Variants in PCDHA3 observed in about 807,000 individuals in gnomAD.
PCDHA3 encodes the protein protocadherin alpha-3.
In PCDHA3, 41 loss-of-function variants were observed where a neutral mutation model predicts 62.2. The ratio of observed to expected loss-of-function variants is 0.66; its 90% CI spans 0.51 to 0.86. PCDHA3 has a LOEUF of 0.86. PCDHA3 is among the 40% of genes least tolerant of loss of function. PCDHA3 has a pLI of 0.00. For synonymous variants in PCDHA3, 640 were observed against 555.4 expected, an observed-to-expected ratio of 1.15 and a Z score of -2.14; for missense variants, 1,304 against 1,241.2, an observed-to-expected ratio of 1.05 and a Z score of -0.76.
In PCDHA3 at chr5:140,953,296, G is replaced by A. The variant is rs118116883; in HGVS notation, c.2395-25653G>A. 7.9e-5 allele frequency among the ~76,000 whole-genome samples: 12 copies of A among 152,162 alleles called. No individual in the cohort carries two copies. The East Asian group carries it at 1.5e-3, about 20-fold the overall frequency. Reference sequence around the variant, plus strand: ...TGCTCTTTATATGTGATTCAGGGACGGCAGAGATGTGGGAAGAATTTGATC... The same window carrying A: ...TGCTCTTTATATGTGATTCAGGGACAGCAGAGATGTGGGAAGAATTTGATC... On this transcript the variant is annotated intron_variant, in intron 1 of 3. Coordinates refer to ENST00000522353, the MANE Select transcript of PCDHA3 (RefSeq NM_018906.3).
chr5:140,807,986 T>C, intron 1 of PCDHA3: 1 of 1,613,662 alleles, frequency 6.2e-7, no homozygotes, highest in Non-Finnish European at 8.5e-7. Flanking sequence ...ACTTAACGCC[T>C]CAGATTTAGA....
intron 3 of PCDHA3, 51 bp downstream of exon 3, chr5:140,982,614 G>T (rs1283279622): frequency 6.3e-7 from 1 of 1,596,658 alleles, no homozygotes; most frequent in Non-Finnish European, 8.5e-7. Flanking sequence ...AAAGTGATCA[G>T]ATGACCTACT....
chr5:140,931,175 G>A (rs1321525314), intron 1 of PCDHA3, among the ~76,000 whole-genome samples: 2 of 152,138 alleles, frequency 1.3e-5, no homozygotes, highest in Non-Finnish European at 2.9e-5. Flanking sequence ...TAATTTTAGG[G>A]AAGGAAATTG....
At chr5:140,898,664 G>C (rs1360946717) in intron 1 of PCDHA3, among the ~76,000 whole-genome samples, 1 of 152,190 alleles carries the variant, frequency 6.6e-6, no homozygotes, top group Non-Finnish European at 1.5e-5. Flanking sequence ...GATTGACTTG[G>C]TGTTGCGGGC....
intron 1 of PCDHA3, chr5:140,876,735 T>C (rs782576636): frequency 2.0e-5 from 33 of 1,614,084 alleles, no homozygotes; most frequent in Non-Finnish European, 2.7e-5. Context: ...TGTCGGCCTA[T>C]GAGCTGGTGG....
intron 1 of PCDHA3, chr5:140,870,745 G>C (rs369212308): frequency 1.9e-6 from 3 of 1,613,530 alleles, no homozygotes; most frequent in Non-Finnish European, 2.5e-6. Context: ...GAGCAGCAAC[G>C]TGACGCTGCA....
intron 1 of PCDHA3, chr5:140,823,645 G>C: frequency 6.2e-7 from 1 of 1,614,010 alleles, no homozygotes; most frequent in Middle Eastern, 1.7e-4. Flanking sequence ...GTTCCGCGTG[G>C]GGCTGTACAC....
intron 3 of PCDHA3, among the ~76,000 whole-genome samples, chr5:141,002,222 G>A (rs1278350490): frequency 2.0e-5 from 3 of 152,212 alleles, no homozygotes; most frequent in Non-Finnish European, 4.4e-5. Context: ...AAAATGATGG[G>A]TTTTCTGGAA....
chr5:140,866,295 G>T (rs561985862), intron 1 of PCDHA3: 17 of 152,252 alleles, frequency 1.1e-4, no homozygotes, highest in African/African-American at 3.4e-4. Flanking sequence ...GACAAGTATA[G>T]ATGTTGATAT....
chr5:140,841,632 T>G lies in PCDHA3; in HGVS notation c.2394+38041T>G, dbSNP rs2150319799. On this transcript the variant is annotated intron_variant, in intron 1 of 3. Transcript: ENST00000522353. ...TGCGGGCGGAGCGCGGAGTGCAGCA[T>G]CCACCTGGAGGTGATCGTGGACAGG... is the stretch of plus-strand genomic sequence containing the variant. The G allele has an allele frequency of 8.1e-6, 13 of 1,614,152 alleles. No homozygotes were observed. In the Admixed American group the frequency reaches 1.8e-4, roughly 23 times the overall value.
intron 1 of PCDHA3, chr5:140,841,491 C>G: frequency 6.2e-7 from 1 of 1,613,066 alleles, no homozygotes; most frequent in Non-Finnish European, 8.5e-7. Flanking sequence ...CTGGAGCTGG[C>G]GGAGCTGGTG....
chr5:140,867,150 G>C lies in PCDHA3; in HGVS notation c.2394+63559G>C, dbSNP rs1027648085. On this transcript the variant is annotated intron_variant, in intron 1 of 3. Coordinates refer to ENST00000522353, the MANE Select transcript of PCDHA3 (RefSeq NM_018906.3). ...AATATGTGATATTATCATTTTTCCA[G>C]AGTAAACCTTCTAAGGTTCATTTCC... The C allele has an allele frequency of 2.0e-5, 3 of 152,068 alleles. No individual in the cohort carries two copies. The East Asian group carries it at 5.8e-4, about 29-fold the overall frequency. The allele number at this position is 152,068 out of a possible 1,614,324, so 9.4% of individuals were successfully genotyped here. A position where few individuals can be genotyped will look rare whatever the true frequency, so the allele number is the denominator to read the frequency against.
At position 140,850,688 on chromosome 5, in the gene PCDHA3, G is replaced by A. The variant is rs2150494137; in HGVS notation, c.2394+47097G>A. On this transcript the variant is annotated intron_variant, in intron 1 of 3. Coordinates refer to ENST00000522353, the MANE Select transcript of PCDHA3 (RefSeq NM_018906.3). ...GCTCGGCGATGCCCACCGAGGGCGA[G>A]TGCGCGCCTGGCAAGCCGACGCTGG... The A allele has an allele frequency of 4.4e-6, 7 of 1,598,388 alleles. 1 individual carries two copies. The African/African-American group carries it at 8.1e-5, about 18-fold the overall frequency.
At chr5:140,993,793 T>C (rs2097582526) in intron 3 of PCDHA3, among the ~76,000 whole-genome samples, 1 of 152,184 alleles carries the variant, frequency 6.6e-6, no homozygotes, top group African/African-American at 2.4e-5. Context: ...TAACATGCTG[T>C]GCAGGTTTGT....
chr5:140,891,876 G>C (rs781983742), intron 1 of PCDHA3, among the ~76,000 whole-genome samples: 9 of 152,186 alleles, frequency 5.9e-5, no homozygotes, highest in Non-Finnish European at 1.2e-4. Context: ...TTTTGGCTCT[G>C]TCATGTGACG....
intron 1 of PCDHA3, chr5:140,805,404 A>T: frequency 5.6e-6 from 6 of 1,074,604 alleles, no homozygotes; most frequent in Non-Finnish European, 6.8e-6. Flanking sequence ...TTGATTCAGA[A>T]ATTTGGTGGG....
rs782019485 is a variant in PCDHA3, at chr5:140,808,219, C to G, written c.2394+4628C>G. Reference sequence around the variant, plus strand: ...TTATTGTGGAAGTAGAAGACAACAACGATAATGTCCCAGATTTGGAATTCA... The same window carrying G: ...TTATTGTGGAAGTAGAAGACAACAAGGATAATGTCCCAGATTTGGAATTCA... On this transcript the variant is annotated intron_variant, in intron 1 of 3. Transcript: ENST00000522353. 6 of 1,614,194 alleles carry G rather than the reference C, an allele frequency of 3.7e-6. No homozygotes were observed. The Admixed American group carries it at 1.0e-4, about 27-fold the overall frequency.
intron 3 of PCDHA3, among the ~76,000 whole-genome samples, chr5:141,000,634 G>A (rs1554257716): frequency 6.6e-6 from 1 of 150,928 alleles, no homozygotes; most frequent in Non-Finnish European, 1.5e-5. Context: ...CACCATGTTG[G>A]GCAGGCTGGT....
intron 1 of PCDHA3, among the ~76,000 whole-genome samples, chr5:140,904,906 G>C (rs2071460962): frequency 6.6e-6 from 1 of 152,026 alleles, no homozygotes; most frequent in African/African-American, 2.4e-5. Context: ...TTTTCTTACT[G>C]ATTTGTTTGA....
Sources: gnomAD v4.1 joint callset for allele counts (sites outside exome capture counted in the v4.1 genomes callset) on GRCh38, gnomAD v4.1.1 for gene constraint, MANE v1.5 for transcripts, NCBI Gene and HGNC (gene_info 2026-07-23, HGNC 2026-07-21) for gene names.